RBMS3: variants seen among roughly 807,000 people sequenced by gnomAD.
The protein encoded by RBMS3 is RNA binding motif single stranded interacting protein 3, also known as RNA-binding motif, single-stranded-interacting protein 3.
A neutral mutation model predicts 66.8 loss-of-function variants in RBMS3; 27 were observed. That is an observed-to-expected ratio of 0.40 (90% CI 0.30 to 0.56). RBMS3 has a LOEUF of 0.56. RBMS3 is among the 20% of genes least tolerant of loss of function. RBMS3 has a pLI of 0.40. For synonymous variants in RBMS3, 188 were observed against 183.0 expected, an observed-to-expected ratio of 1.03 and a Z score of -0.22; for missense variants, 513 against 549.5, an observed-to-expected ratio of 0.93 and a Z score of 0.66.
At chr3:29,614,126 G>A (rs898784920) in intron 4 of RBMS3, among the ~76,000 whole-genome samples, 2 of 151,978 alleles carry the variant, frequency 1.3e-5, no homozygotes, top group African/African-American at 2.4e-5. Context: ...TATACACAGT[G>A]GAATACTATT....
chr3:29,813,919 T>G (rs904317920), intron 6 of RBMS3, among the ~76,000 whole-genome samples: 67 of 152,280 alleles, frequency 4.4e-4, no homozygotes, highest in African/African-American at 1.5e-3. Flanking sequence ...AATCATGTCG[T>G]CTGCAAACAG....
At chr3:29,871,825 T>C (rs2059499510) in intron 7 of RBMS3, among the ~76,000 whole-genome samples, 1 of 152,188 alleles carries the variant, frequency 6.6e-6, no homozygotes, top group Non-Finnish European at 1.5e-5. Context: ...AATTAAAATT[T>C]TAATTTACTG....
chr3:29,866,459 C>T (rs2059366237), intron 6 of RBMS3, among the ~76,000 whole-genome samples: 1 of 152,146 alleles, frequency 6.6e-6, no homozygotes, highest in Non-Finnish European at 1.5e-5. Context: ...ATGTAAGGTG[C>T]TTCTAGATTT....
At chr3:29,813,015 A>G (rs534600570) in intron 6 of RBMS3, among the ~76,000 whole-genome samples, 2 of 152,222 alleles carry the variant, frequency 1.3e-5, no homozygotes, top group South Asian at 2.1e-4. Context: ...CCAGTAGTGT[A>G]TCATGAACTT....
chr3:29,453,014 C>T (rs1324268826), intron 2 of RBMS3, among the ~76,000 whole-genome samples: 1 of 152,112 alleles, frequency 6.6e-6, no homozygotes, highest in African/African-American at 2.4e-5. Flanking sequence ...TACTTGTAAT[C>T]TTGCTATTAA....
chr3:29,315,317 A>T (rs183386236), intron 1 of RBMS3, among the ~76,000 whole-genome samples: 1 of 151,880 alleles, frequency 6.6e-6, no homozygotes, highest in East Asian at 1.9e-4. Flanking sequence ...TATGTAAAGT[A>T]AAATGTAAGA....
At chr3:29,851,789 G>A (rs1376603115) in intron 6 of RBMS3, among the ~76,000 whole-genome samples, 3 of 152,050 alleles carry the variant, frequency 2.0e-5, no homozygotes, top group Non-Finnish European at 2.9e-5. Flanking sequence ...AGTTTCCTTA[G>A]AATTAAATTT....
At chr3:29,593,004 G>A (rs1362392865) in intron 4 of RBMS3, among the ~76,000 whole-genome samples, 9 of 111,632 alleles carry the variant, frequency 8.1e-5, no homozygotes, top group African/African-American at 3.2e-4. Flanking sequence ...ACTGGGGCCT[G>A]TCATGGGATT....
chr3:29,355,044 G>A (rs1230826892), intron 1 of RBMS3, among the ~76,000 whole-genome samples: 1 of 152,152 alleles, frequency 6.6e-6, no homozygotes, highest in African/African-American at 2.4e-5. Flanking sequence ...TAGCTAGGAT[G>A]TAAGCCAGGC....
At chr3:29,996,607 A>C (rs1195646625) in intron 14 of RBMS3, among the ~76,000 whole-genome samples, 4 of 150,348 alleles carry the variant, frequency 2.7e-5, no homozygotes, top group Non-Finnish European at 6.0e-5. Flanking sequence ...ACTCAGGATT[A>C]AGAATCTCAC....
chr3:29,449,177 A>G (rs768316868), intron 2 of RBMS3, among the ~76,000 whole-genome samples: 1 of 152,328 alleles, frequency 6.6e-6, no homozygotes, highest in South Asian at 2.1e-4. Context: ...TCTGTAACCA[A>G]TTAAGTACAG....
intron 6 of RBMS3, among the ~76,000 whole-genome samples, chr3:29,771,913 T>A (rs1459974970): frequency 1.3e-5 from 2 of 151,976 alleles, no homozygotes; most frequent in Non-Finnish European, 2.9e-5. Context: ...CATGATCCAG[T>A]CACCTCCCAC....
chr3:29,459,156 G>A (rs1030128285), intron 2 of RBMS3, among the ~76,000 whole-genome samples: 1 of 152,064 alleles, frequency 6.6e-6, no homozygotes, highest in Non-Finnish European at 1.5e-5. Flanking sequence ...TATGTGCAAG[G>A]CACTTTCCAA....
chr3:29,514,861 AC>A (rs2044562509), intron 3 of RBMS3, among the ~76,000 whole-genome samples: 2 of 151,254 alleles, frequency 1.3e-5, no homozygotes, highest in Non-Finnish European at 2.9e-5. Context: ...ATAATACCTA[AC>A]TGTCAGTGAG....
At chr3:29,290,793 G>A (rs1392048903) in intron 1 of RBMS3, 4 of 151,796 alleles carry the variant, frequency 2.6e-5, no homozygotes, top group Non-Finnish European at 4.4e-5. Flanking sequence ...ATAGATGAAA[G>A]AACATGCAGG....
At chr3:29,952,694 G>T (rs557565767) in intron 12 of RBMS3, among the ~76,000 whole-genome samples, 1 of 151,568 alleles carries the variant, frequency 6.6e-6, no homozygotes, top group Non-Finnish European at 1.5e-5. Flanking sequence ...AAGTGCTTTT[G>T]CCACCCAAGA....
At chr3:29,696,593 C>G (rs547811513) in intron 4 of RBMS3, among the ~76,000 whole-genome samples, 1 of 152,116 alleles carries the variant, frequency 6.6e-6, no homozygotes, top group Non-Finnish European at 1.5e-5. Context: ...CTTTTCTGCA[C>G]GAAGGCCAGA....
At chr3:29,920,795 G>A (rs1022666501) in intron 10 of RBMS3, among the ~76,000 whole-genome samples, 17 of 141,116 alleles carry the variant, frequency 1.2e-4, no homozygotes, top group Non-Finnish European at 2.4e-4. Flanking sequence ...CTAACATGGC[G>A]AAACCCCGTC....
At chr3:29,744,425 C>A (rs766016357) in intron 5 of RBMS3, among the ~76,000 whole-genome samples, 8 of 152,028 alleles carry the variant, frequency 5.3e-5, no homozygotes, top group Non-Finnish European at 1.2e-4. Context: ...TAGCACCAAC[C>A]CAACTGGTAT....
Sources: gnomAD v4.1 joint callset for allele counts (sites outside exome capture counted in the v4.1 genomes callset) on GRCh38, gnomAD v4.1.1 for gene constraint, MANE v1.5 for transcripts, NCBI Gene and HGNC (gene_info 2026-07-23, HGNC 2026-07-21) for gene names.